Variants in MIPOL1 observed in about 807,000 individuals in gnomAD.
The protein encoded by MIPOL1 is mirror-image polydactyly gene 1 protein.
A neutral mutation model predicts 60.9 loss-of-function variants in MIPOL1; 57 were observed. That is an observed-to-expected ratio of 0.94 (90% CI 0.76 to 1.17). MIPOL1 has a LOEUF of 1.17. Ranked by LOEUF, MIPOL1 falls within the 50% of genes most tolerant of loss-of-function variation. MIPOL1 has a pLI of 0.00. For missense variants in MIPOL1, 551 were observed against 511.6 expected, an observed-to-expected ratio of 1.08 and a Z score of -0.74; for synonymous variants, 179 against 168.8, an observed-to-expected ratio of 1.06 and a Z score of -0.47.
chr14:37,325,169 T>C (rs1370160612), intron 9 of MIPOL1, among the ~76,000 whole-genome samples: 1 of 152,150 alleles, frequency 6.6e-6, no homozygotes, highest in Non-Finnish European at 1.5e-5. Context: ...ATCCATGATA[T>C]ATATCTCCAT....
chr14:37,371,277 G>A (rs1012597409), intron 10 of MIPOL1, among the ~76,000 whole-genome samples: 1 of 151,920 alleles, frequency 6.6e-6, no homozygotes, highest in East Asian at 1.9e-4. Context: ...CCACCACCAA[G>A]CCTGGCTAAT....
intron 11 of MIPOL1, among the ~76,000 whole-genome samples, chr14:37,460,437 T>TC (rs2153581410): frequency 6.6e-6 from 1 of 152,058 alleles, no homozygotes; most frequent in African/African-American, 2.4e-5. Context: ...TGAAAGCATT[T>TC]CCCCTAAGAA....
At chr14:37,344,424 T>C (rs1567559705) in intron 9 of MIPOL1, among the ~76,000 whole-genome samples, 1 of 152,010 alleles carries the variant, frequency 6.6e-6, no homozygotes, top group Non-Finnish European at 1.5e-5. Flanking sequence ...TTTTTTTCCG[T>C]ATATATACTT....
chr14:37,423,666 A>T (rs371422100), intron 11 of MIPOL1: 22 of 152,220 alleles, frequency 1.4e-4, no homozygotes, highest in African/African-American at 5.3e-4. Flanking sequence ...AAGTTTAAAA[A>T]ATCCTCAAGT....
intron 1 of MIPOL1, among the ~76,000 whole-genome samples, chr14:37,228,173 A>G (rs1039038553): frequency 1.3e-5 from 2 of 152,182 alleles, no homozygotes; most frequent in African/African-American, 4.8e-5. Context: ...CTTAAGAACC[A>G]TACACATTAC....
chr14:37,505,834 A>T (rs909580684), intron 12 of MIPOL1: 1 of 152,224 alleles, frequency 6.6e-6, no homozygotes, highest in African/African-American at 2.4e-5. Context: ...TGCATATGAC[A>T]TGATTGTATA....
Position 37,422,793 on chromosome 14 carries a change from G to A in MIPOL1, c.937-62G>A, listed in dbSNP as rs186484135. ...AATTTAAGACTACTGTTCTTACCGT[G>A]GTACTGTATTTTATCATACCAAAAT... On this transcript the variant is annotated intron_variant, in intron 10 of 12. Transcript: ENST00000684589. 3.7e-5 allele frequency: 39 copies of A among 1,047,710 alleles called. No individual in the cohort carries two copies. In the East Asian group the frequency reaches 8.5e-4, roughly 23 times the overall value. The allele number at this position is 1,047,710 out of a possible 1,614,324, so 64.9% of individuals were successfully genotyped here.
rs116324032 is a variant in MIPOL1, at chr14:37,358,694, T to C, written c.829-10823T>C. Among the ~76,000 whole-genome samples, 468 of 152,330 alleles carry C rather than the reference T, an allele frequency of 3.1e-3. 5 individuals are homozygous for C. Among genetic ancestry groups the C allele is most frequent in the African/African-American group, 9.6e-3 (399 of 41,570 alleles). ...CTTTTTCACGGGGTTGCCTTTTTCT[T>C]GTAAATTTGTTAAATTTCTTTGTAG... On this transcript the variant is annotated intron_variant, in intron 9 of 12. Coordinates refer to ENST00000684589, the MANE Select transcript of MIPOL1 (RefSeq NM_001388067.1).
At chr14:37,248,866 G>C (rs1157586186) in intron 3 of MIPOL1, among the ~76,000 whole-genome samples, 1 of 152,062 alleles carries the variant, frequency 6.6e-6, no homozygotes, top group Non-Finnish European at 1.5e-5. Context: ...AGGTATGCAC[G>C]TGTGGAGGAA....
At chr14:37,318,811 A>AG (rs777265031) in intron 9 of MIPOL1, among the ~76,000 whole-genome samples, 4,478 of 136,768 alleles carry the variant, frequency 0.033, 89 homozygotes, top group East Asian at 0.076. Flanking sequence ...TTATTTATTT[A>AG]TTTATTTATT....
intron 12 of MIPOL1, among the ~76,000 whole-genome samples, chr14:37,509,307 A>G (rs926377159): frequency 2.0e-5 from 3 of 151,784 alleles, no homozygotes; most frequent in Non-Finnish European, 4.4e-5. Context: ...TTTTATATAT[A>G]TATTATATGT....
intron 4 of MIPOL1, 129 bp from the exon 5 acceptor site, chr14:37,268,529 C>A: frequency 1.5e-6 from 1 of 668,748 alleles, no homozygotes. Context: ...AAAAAAACAG[C>A]CCATCTCTTT....
At chr14:37,303,860 A>T (rs1206502543) in intron 7 of MIPOL1, among the ~76,000 whole-genome samples, 1 of 151,858 alleles carries the variant, frequency 6.6e-6, no homozygotes, top group Admixed American at 6.6e-5. Context: ...GTTCCTAGAA[A>T]CAGCTTACAA....
chr14:37,260,836 A>G (rs1390109706), intron 3 of MIPOL1, among the ~76,000 whole-genome samples: 1 of 152,126 alleles, frequency 6.6e-6, no homozygotes, highest in South Asian at 2.1e-4. Context: ...TTAGATTCTC[A>G]GGAAGATAGG....
chr14:37,370,468 T>G (rs2153496981), intron 10 of MIPOL1, among the ~76,000 whole-genome samples: 1 of 152,326 alleles, frequency 6.6e-6, no homozygotes, highest in South Asian at 2.1e-4. Flanking sequence ...CCAAGAATAT[T>G]ATATTCTACT....
chr14:37,262,139 A>G (rs1430451466), intron 3 of MIPOL1, among the ~76,000 whole-genome samples: 1 of 152,044 alleles, frequency 6.6e-6, no homozygotes, highest in East Asian at 1.9e-4. Context: ...CCTCTATTCC[A>G]CAGAAAAGGG....
rs191150055 is a variant in MIPOL1, at chr14:37,528,067, C to G, written c.1263-18838C>G. Among the ~76,000 whole-genome samples the G allele has an allele frequency of 2.8e-3, 432 of 152,052 alleles. 3 individuals are homozygous for G. Among genetic ancestry groups the G allele is most frequent in the Non-Finnish European group, 4.3e-3 (289 of 67,886 alleles). On this transcript the variant is annotated intron_variant, in intron 12 of 12. Coordinates refer to ENST00000684589, the MANE Select transcript of MIPOL1 (RefSeq NM_001388067.1). Reference sequence around the variant, plus strand: ...TCGTGATCAAAAGAAATATTAATATCTTTTTGATTGGCCAATCAGAAAATG... The same window carrying G: ...TCGTGATCAAAAGAAATATTAATATGTTTTTGATTGGCCAATCAGAAAATG...
chr14:37,473,893 G>A (rs574673033), intron 11 of MIPOL1, among the ~76,000 whole-genome samples: 2 of 152,172 alleles, frequency 1.3e-5, no homozygotes, highest in African/African-American at 2.4e-5. Flanking sequence ...ATACTAAAAT[G>A]TGCTTTTTAT....
intron 7 of MIPOL1, among the ~76,000 whole-genome samples, chr14:37,297,595 A>C (rs1017438990): frequency 1.3e-5 from 2 of 152,214 alleles, no homozygotes; most frequent in Non-Finnish European, 2.9e-5. Context: ...CTGATAAGCA[A>C]CTTCAGCAAA....
Sources: allele counts gnomAD v4.1 joint callset (sites outside exome capture counted in the v4.1 genomes callset), GRCh38; gene constraint gnomAD v4.1.1; transcripts MANE v1.5; gene names NCBI Gene and HGNC (gene_info 2026-07-23, HGNC 2026-07-21).